Variants in TSC1 observed in about 807,000 individuals in gnomAD.
TSC1 encodes the protein TSC complex subunit 1.
TSC1 carries 20 observed loss-of-function variants against 124.3 expected under a neutral mutation model. The ratio of observed to expected loss-of-function variants is 0.16; its 90% CI spans 0.11 to 0.23. TSC1 has a LOEUF of 0.23. Ranked by LOEUF, TSC1 falls within the 10% of genes least tolerant of loss-of-function variation. The pLI is 1.00. For missense variants in TSC1, 1,124 were observed against 1,448.5 expected (o/e 0.78, Z 3.64); for synonymous variants, 493 against 539.1 (o/e 0.91, Z 1.19).
At position 132,925,700 on chromosome 9, in the gene TSC1, C is replaced by A; in HGVS notation, c.250G>T (p.Ala84Ser). The change falls in exon 5 of 23, where the codon GCC (alanine) becomes TCC (serine). Residue 84 changes from alanine (A) to serine (S), a missense_variant. Around this residue, in one of 5 missense-constraint regions of TSC1, gnomAD observed 463 missense variants for 606.8 expected, o/e 0.76. Coordinates refer to ENST00000298552, the MANE Select transcript of TSC1 (RefSeq NM_000368.5). ...AACGAGAGGATGGATAAACGAGTGG[C>A]GGCTTTGCCCACATATTCGTTAATC... ...DRINEYVGKA[A>S]TRLSILSLLG... 1.9e-6 allele frequency: 3 copies of A among 1,614,180 alleles called. No homozygotes were observed. Among genetic ancestry groups the A allele is most frequent in the Non-Finnish European group, 2.5e-6 (3 of 1,180,026 alleles).
At chr9:132,898,190 C>G (rs1845187349) in intron 20 of TSC1, among the ~76,000 whole-genome samples, 2 of 152,230 alleles carry the variant, frequency 1.3e-5, no homozygotes, top group African/African-American at 4.8e-5. Flanking sequence ...GCCAATGGAG[C>G]AGGTCTGCTC....
At chr9:132,928,719 A>G (rs1217838914) in intron 3 of TSC1, 48 bp downstream of exon 3, 2 of 1,609,340 alleles carry the variant, frequency 1.2e-6, no homozygotes, top group Admixed American at 1.7e-5. Flanking sequence ...TCTAAAGTCA[A>G]TCTCTTCTTT....
intron 20 of TSC1, chr9:132,899,540 G>T (rs573270174): frequency 6.6e-6 from 1 of 152,190 alleles, no homozygotes; most frequent in South Asian, 2.1e-4. Flanking sequence ...TTGTTTTTTT[G>T]GATATTGTTA....
chr9:132,930,337 C>A (rs1169852663), intron 2 of TSC1, among the ~76,000 whole-genome samples: 2 of 152,036 alleles, frequency 1.3e-5, no homozygotes, highest in African/African-American at 2.4e-5. Flanking sequence ...GCTTGTAATC[C>A]CAGCATAATG....
rs76005400 is a variant in TSC1 at position 132,902,017 on chromosome 9, A to T, written c.2392-318T>A. On this transcript the variant is annotated intron_variant, in intron 18 of 22. Transcript: ENST00000298552. This position sits in a 1 kb window ranked among gnomAD's most constrained non-coding sequence, Gnocchi z 5.2. ...GAATTTTCGAGGGAGACGCAGCGCC[A>T]TCTGTTGGACACTCTGTGAATTACT... 6 of 324,496 alleles carry T rather than the reference A, an allele frequency of 1.8e-5. No individual in the cohort carries two copies. The highest frequency in any genetic ancestry group is 3.4e-5 in the Non-Finnish European group (6 of 174,660). The allele number at this position is 324,496 out of a possible 1,614,324, so 20.1% of individuals were successfully genotyped here. A position where few individuals can be genotyped will look rare whatever the true frequency, so the allele number is the denominator to read the frequency against.
At chr9:132,944,443 C>T in intron 1 of TSC1, 100 bp downstream of exon 1, 2 of 397,248 alleles carry the variant, frequency 5.0e-6, no homozygotes, top group Non-Finnish European at 8.9e-6. Flanking sequence ...AAGTGAGTCT[C>T]TTGCTCCAGC....
At chr9:132,937,666 C>G (rs1407284167) in intron 1 of TSC1, among the ~76,000 whole-genome samples, 1 of 152,132 alleles carries the variant, frequency 6.6e-6, no homozygotes, top group Non-Finnish European at 1.5e-5. Flanking sequence ...CATAAAGGCC[C>G]TACTCTAGGA....
In TSC1 at chr9:132,901,631, CTTG is replaced by C. The variant is rs1588299112; in HGVS notation, c.2457_2459del (p.Asn819del). The C allele has an allele frequency of 6.2e-7, 1 of 1,614,148 alleles. No homozygotes were observed. Among genetic ancestry groups the C allele is most frequent in the Non-Finnish European group, 8.5e-7 (1 of 1,180,034 alleles). On this transcript the variant is annotated inframe_deletion, in exon 19 of 23. Transcript: ENST00000298552. ...TGAGCAGCAGCTCAGTGTGACACAC[CTTG>C]TTGTTGGCCTTCTTCAGTTCTATCC...
At chr9:132,922,110 G>A (rs1343821138) in intron 6 of TSC1, 137 bp from the exon 7 acceptor site, 1 of 1,065,644 alleles carries the variant, frequency 9.4e-7, no homozygotes, top group African/African-American at 1.6e-5. Flanking sequence ...CAGGAAGAGT[G>A]GTTTTCTAAA....
At position 132,902,248 on chromosome 9, in the gene TSC1, A is replaced by T. The variant is rs988240674; in HGVS notation, c.2391+357T>A. On this transcript the variant is annotated intron_variant, in intron 18 of 22. Coordinates refer to ENST00000298552, the MANE Select transcript of TSC1 (RefSeq NM_000368.5). This position sits in a 1 kb window ranked among gnomAD's most constrained non-coding sequence, Gnocchi z 5.2. ...CATTAGTAATTGCAATTATTTTTTTAAAAATTAATTTATGTGTATTATCTG... is the reference window on the plus strand; with the variant it reads ...CATTAGTAATTGCAATTATTTTTTTTAAAATTAATTTATGTGTATTATCTG... Among the ~76,000 whole-genome samples, 1 of 152,202 alleles carries T rather than the reference A, an allele frequency of 6.6e-6. No individual in the cohort carries two copies.
At chr9:132,914,180 G>A (rs575956100) in intron 8 of TSC1, among the ~76,000 whole-genome samples, 5 of 152,034 alleles carry the variant, frequency 3.3e-5, no homozygotes, top group South Asian at 4.2e-4. Context: ...GATTACAGGC[G>A]TGAGCCACTG....
intron 8 of TSC1, among the ~76,000 whole-genome samples, chr9:132,918,198 A>G (rs1588339849): frequency 1.3e-5 from 2 of 152,262 alleles, no homozygotes; most frequent in Non-Finnish European, 2.9e-5. Flanking sequence ...GAATAGAACC[A>G]TAAGTTTTTG....
Position 132,897,613 on chromosome 9 carries a change from G to GAAAAAAAAAA in TSC1, c.2626-13_2626-4dup. The GAAAAAAAAAA allele has an allele frequency of 7.4e-7, 1 of 1,356,900 alleles. No homozygotes were observed. The highest frequency in any genetic ancestry group is 9.6e-7 in the Non-Finnish European group (1 of 1,041,610). 84.1% of individuals were successfully genotyped at this position (1,356,900 alleles called of 1,614,324 possible). On this transcript the variant is annotated splice_region_variant and splice_polypyrimidine_tract_variant and intron_variant, in intron 20 of 22. Transcript: ENST00000298552. Reference sequence around the variant, plus strand: ...GCGGCTTTCATCATTTCTACTTCCTGAAAAAAAAAAAAAAAAAAGACTGGA... The same window carrying GAAAAAAAAAA: ...GCGGCTTTCATCATTTCTACTTCCTGAAAAAAAAAAAAAAAAAAAAAAAAAAAAGACTGGA...
rs559852861 is a variant in TSC1, at chr9:132,906,590, A to G, written c.1438+141T>C. On this transcript the variant is annotated intron_variant, in intron 14 of 22. Transcript: ENST00000298552. The surrounding 1 kb of genome is among the most constrained non-coding windows in gnomAD (Gnocchi z 4.1). ...AAAGTGGCATCACTTTACCTGGCAT[A>G]GGTCCCAGACTAAACCACCCATCTT... 2.3e-5 allele frequency: 16 copies of G among 707,076 alleles called. No individual in the cohort carries two copies. The African/African-American group carries it at 2.3e-4, about 10-fold the overall frequency. 43.8% of individuals were successfully genotyped at this position (707,076 alleles called of 1,614,324 possible). A position where few individuals can be genotyped will look rare whatever the true frequency, so the allele number is the denominator to read the frequency against.
chr9:132,912,175 C>T, intron 9 of TSC1, 107 bp downstream of exon 9: 2 of 1,386,260 alleles, frequency 1.4e-6, no homozygotes, highest in Non-Finnish European at 2.0e-6. Flanking sequence ...GGAAAAATCC[C>T]TAGGAACTGA....
At chr9:132,934,914 A>G in intron 2 of TSC1, 119 bp downstream of exon 2, 1 of 397,414 alleles carries the variant, frequency 2.5e-6, no homozygotes, top group Non-Finnish European at 4.4e-6. Flanking sequence ...TTCATGCCAT[A>G]GATGGTCCAG....
rs1263464680 is a variant in TSC1 at position 132,896,425 on chromosome 9, C to T, written c.3305G>A (p.Ser1102Asn). 6.2e-7 allele frequency: 1 copy of T among 1,614,228 alleles called. No homozygotes were observed. The highest frequency in any genetic ancestry group is 1.3e-5 in the African/African-American group (1 of 75,058). The change falls in exon 23 of 23, where the codon AGC (serine) becomes AAC (asparagine). Residue 1102 changes from serine to asparagine, a missense_variant. This residue lies in a region of TSC1 where 325 missense variants were observed against 383.4 expected (regional missense o/e 0.85). Transcript: ENST00000298552. The surrounding 1 kb of genome is among the most constrained non-coding windows in gnomAD (Gnocchi z 4.5). Reference sequence around the variant, plus strand: ...GGTCATGCCGTCCTCATCACACTGGCTCTCGCTCTTATTACGAAATAACTC... The same window carrying T: ...GGTCATGCCGTCCTCATCACACTGGTTCTCGCTCTTATTACGAAATAACTC... Reference protein sequence around the residue: ...ARELFRNKSESQCDEDGMTSS... With the variant: ...ARELFRNKSENQCDEDGMTSS...
chr9:132,937,800 C>T lies in TSC1; in HGVS notation c.-143-2705G>A, dbSNP rs146543508. Among the ~76,000 whole-genome samples, 178 of 152,258 alleles carry T rather than the reference C, an allele frequency of 1.2e-3. 1 individual carries two copies. The highest frequency in any genetic ancestry group is 4.1e-3 in the African/African-American group (171 of 41,552). On this transcript the variant is annotated intron_variant, in intron 1 of 22. Coordinates refer to ENST00000298552, the MANE Select transcript of TSC1 (RefSeq NM_000368.5). Reference sequence around the variant, plus strand: ...ATGACTCATGGTTCACTGCGACCTTCGCCTCCCAGGCTCAAGCAATCATCC... The same window carrying T: ...ATGACTCATGGTTCACTGCGACCTTTGCCTCCCAGGCTCAAGCAATCATCC...
chr9:132,901,832 T>G, intron 18 of TSC1, 133 bp from the exon 19 acceptor site: 1 of 733,586 alleles, frequency 1.4e-6, no homozygotes, highest in East Asian at 2.5e-5. Flanking sequence ...CCCTCAGAAT[T>G]TGATGTCTTA....
Sources: gnomAD v4.1 joint callset for allele counts (sites outside exome capture counted in the v4.1 genomes callset) on GRCh38, gnomAD v4.1.1 for gene constraint, gnomAD v4.1.1 regional missense constraint, Gnocchi (gnomAD v3.1) non-coding constraint, MANE v1.5 for transcripts, NCBI Gene and HGNC (gene_info 2026-07-23, HGNC 2026-07-21) for gene names.